Variants in C1orf21 observed in about 807,000 individuals in gnomAD.
The protein encoded by C1orf21 is chromosome 1 open reading frame 21, also known as uncharacterized protein C1orf21.
A neutral mutation model predicts 18.7 loss-of-function variants in C1orf21; 3 were observed. That is an observed-to-expected ratio of 0.16 (90% CI 0.07 to 0.42). The LOEUF (loss-of-function observed/expected upper bound fraction) is 0.42, where lower values mean the gene tolerates loss of function less well. Among genes scored for constraint, C1orf21 ranks in the 10% least tolerant of loss-of-function variants. C1orf21 has a pLI of 0.99. For synonymous variants in C1orf21, 41 were observed against 46.4 expected (o/e 0.88, Z 0.47); for missense variants, 104 against 143.6 (o/e 0.72, Z 1.41).
intron 2 of C1orf21, among the ~76,000 whole-genome samples, chr1:184,501,632 C>G (rs1238831982): frequency 6.6e-6 from 1 of 152,160 alleles, no homozygotes; most frequent in Non-Finnish European, 1.5e-5. Context: ...ATTCCCAGGG[C>G]TGAGTGTTGT....
intron 5 of C1orf21, among the ~76,000 whole-genome samples, chr1:184,608,489 G>A (rs941974047): frequency 2.0e-5 from 3 of 152,222 alleles, no homozygotes; most frequent in African/African-American, 4.8e-5. Context: ...AATCACTGCT[G>A]TTTCCAAGGG....
chr1:184,619,910 G>T lies in C1orf21; in HGVS notation c.*354G>T, dbSNP rs900857891. The T allele has an allele frequency of 4.9e-6, 1 of 205,972 alleles. No individual in the cohort carries two copies. Among genetic ancestry groups the T allele is most frequent in the African/African-American group, 2.4e-5 (1 of 42,292 alleles). The allele number at this position is 205,972 out of a possible 1,614,324, so 12.8% of individuals were successfully genotyped here. A position where few individuals can be genotyped will look rare whatever the true frequency, so the allele number is the denominator to read the frequency against. ...AACCTATTTTCTATAAGATGAGGTA[G>T]TGGTGAACTCAGATAACAAACTTCT... On this transcript the variant is annotated 3_prime_UTR_variant, in exon 6 of 6. Coordinates refer to ENST00000235307, the MANE Select transcript of C1orf21 (RefSeq NM_030806.4).
At chr1:184,581,279 T>G (rs892367898) in intron 3 of C1orf21, among the ~76,000 whole-genome samples, 1 of 151,970 alleles carries the variant, frequency 6.6e-6, no homozygotes, top group African/African-American at 2.4e-5. Flanking sequence ...ATACAAAAAT[T>G]AGCCAGGCAT....
intron 3 of C1orf21, among the ~76,000 whole-genome samples, chr1:184,572,011 T>C (rs971608592): frequency 3.3e-5 from 5 of 152,208 alleles, no homozygotes; most frequent in African/African-American, 7.2e-5. Flanking sequence ...CTGGCATCTA[T>C]TGGGCTCTTA....
chr1:184,449,188 A>G (rs913727834), intron 1 of C1orf21, among the ~76,000 whole-genome samples: 18 of 151,646 alleles, frequency 1.2e-4, no homozygotes, highest in African/African-American at 3.1e-4. Context: ...TCCTAATGCT[A>G]TCCCTCCCCC....
intron 3 of C1orf21, among the ~76,000 whole-genome samples, chr1:184,561,989 C>T (rs1298252458): frequency 6.6e-6 from 1 of 151,762 alleles, no homozygotes; most frequent in Non-Finnish European, 1.5e-5. Flanking sequence ...CATTTTTCAC[C>T]CACCAAAAGG....
At position 184,493,279 on chromosome 1, in the gene C1orf21, A is replaced by G. The variant is rs141667669; in HGVS notation, c.95-14309A>G. Among the ~76,000 whole-genome samples, 593 of 152,370 alleles carry G rather than the reference A, an allele frequency of 3.9e-3. 22 individuals are homozygous for G. The highest frequency in any genetic ancestry group is 0.036 in the Admixed American group (544 of 15,306). ...ACAATGTTTATAGTCAGCTTTCTTC[A>G]TAGTAATAATCTGTGCTGGAAGCTA... On this transcript the variant is annotated intron_variant, in intron 2 of 5. Coordinates refer to ENST00000235307, the MANE Select transcript of C1orf21 (RefSeq NM_030806.4).
chr1:184,616,356 A>G (rs748459168), intron 5 of C1orf21, among the ~76,000 whole-genome samples: 1 of 152,274 alleles, frequency 6.6e-6, no homozygotes, highest in African/African-American at 2.4e-5. Flanking sequence ...CCCCGCAAGC[A>G]TTAGGGCTTC....
chr1:184,403,316 G>C (rs1300123984), intron 1 of C1orf21, among the ~76,000 whole-genome samples: 2 of 152,186 alleles, frequency 1.3e-5, no homozygotes, highest in African/African-American at 4.8e-5. Context: ...ATAAAGATGA[G>C]TGGAAAAGCA....
chr1:184,437,479 C>G (rs1441687323), intron 1 of C1orf21, among the ~76,000 whole-genome samples: 2 of 152,056 alleles, frequency 1.3e-5, no homozygotes, highest in Non-Finnish European at 1.5e-5. Flanking sequence ...TTTTCTTTGC[C>G]TGGCGTCACA....
chr1:184,604,257 TAAG>T (rs1386104695), intron 5 of C1orf21, among the ~76,000 whole-genome samples: 2 of 152,164 alleles, frequency 1.3e-5, no homozygotes, highest in Non-Finnish European at 2.9e-5. Flanking sequence ...CCACCAATGA[TAAG>T]AAAACCTGGG....
intron 5 of C1orf21, among the ~76,000 whole-genome samples, chr1:184,614,115 CTGAT>C (rs1280357090): frequency 2.6e-5 from 4 of 152,198 alleles, no homozygotes; most frequent in African/African-American, 7.2e-5. Flanking sequence ...TGTGAACTGA[CTGAT>C]TGAGATGTGG....
intron 5 of C1orf21, among the ~76,000 whole-genome samples, chr1:184,607,449 T>G (rs1221995124): frequency 6.6e-6 from 1 of 152,128 alleles, no homozygotes; most frequent in Non-Finnish European, 1.5e-5. Context: ...TCAATTAAAC[T>G]ACAATAAAGT....
chr1:184,472,570 T>G (rs988824568), intron 1 of C1orf21, among the ~76,000 whole-genome samples: 27 of 152,132 alleles, frequency 1.8e-4, no homozygotes, highest in African/African-American at 6.3e-4. Flanking sequence ...TCCTGTAGCC[T>G]TTTTTTAAAA....
At chr1:184,529,870 T>C (rs1157352303) in intron 3 of C1orf21, among the ~76,000 whole-genome samples, 1 of 152,208 alleles carries the variant, frequency 6.6e-6, no homozygotes, top group Non-Finnish European at 1.5e-5. Context: ...ATTAACTTAG[T>C]AGAGAAGAAG....
At chr1:184,593,592 G>A (rs1439222176) in intron 4 of C1orf21, among the ~76,000 whole-genome samples, 1 of 151,942 alleles carries the variant, frequency 6.6e-6, no homozygotes, top group Non-Finnish European at 1.5e-5. Flanking sequence ...CTATGTCTTT[G>A]AGCTTCAGTT....
Position 184,426,476 on chromosome 1 carries a change from T to C in C1orf21, c.-125+39108T>C, listed in dbSNP as rs909053647. On this transcript the variant is annotated intron_variant, in intron 1 of 5. Coordinates refer to ENST00000235307, the MANE Select transcript of C1orf21 (RefSeq NM_030806.4). ...TGAGCGAGACCCACCCACCTCTCTCTGGGGTACGCTCCACCCTATTTCATC... is the reference window on the plus strand; with the variant it reads ...TGAGCGAGACCCACCCACCTCTCTCCGGGGTACGCTCCACCCTATTTCATC... 1.7e-4 allele frequency among the ~76,000 whole-genome samples: 26 copies of C among 152,264 alleles called. No individual in the cohort carries two copies. In the East Asian group the frequency reaches 5.0e-3, roughly 29 times the overall value.
intron 3 of C1orf21, among the ~76,000 whole-genome samples, chr1:184,581,379 G>A (rs1401744136): frequency 1.3e-5 from 2 of 151,482 alleles, no homozygotes; most frequent in East Asian, 1.9e-4. Flanking sequence ...GCAGTGAGCC[G>A]AGATTGTGCC....
intron 1 of C1orf21, among the ~76,000 whole-genome samples, chr1:184,435,814 T>G (rs1656848691): frequency 6.6e-6 from 1 of 152,032 alleles, no homozygotes; most frequent in African/African-American, 2.4e-5. Flanking sequence ...GCTAAGAAAG[T>G]GATTGAAAGG....
Sources: allele counts gnomAD v4.1 joint callset (sites outside exome capture counted in the v4.1 genomes callset), GRCh38; gene constraint gnomAD v4.1.1; transcripts MANE v1.5; gene names NCBI Gene and HGNC (gene_info 2026-07-23, HGNC 2026-07-21).